The following NPAS3 variants were observed in gnomAD, a reference collection of about 807,000 sequenced individuals.
The protein encoded by NPAS3 is neuronal PAS domain protein 3, also known as neuronal PAS domain-containing protein 3.
NPAS3 carries 14 observed loss-of-function variants against 73.1 expected under a neutral mutation model. The observed-to-expected ratio is 0.19, with a 90% CI of 0.13 to 0.30. The LOEUF (loss-of-function observed/expected upper bound fraction) is 0.30, where lower values mean the gene tolerates loss of function less well. Ranked by LOEUF, NPAS3 falls within the 10% of genes least tolerant of loss-of-function variation. The pLI is 1.00. For missense variants in NPAS3, 1,096 were observed against 1,250.0 expected (o/e 0.88, Z 1.86); for synonymous variants, 620 against 541.5 (o/e 1.14, Z -2.01).
At chr14:33,302,004 G>A (rs1432387843) in intron 3 of NPAS3, among the ~76,000 whole-genome samples, 1 of 152,096 alleles carries the variant, frequency 6.6e-6, no homozygotes, top group African/African-American at 2.4e-5. Context: ...TCCGTGCGTG[G>A]CTTGCCTTCC....
chr14:32,997,784 T>C (rs1281781770), intron 1 of NPAS3, among the ~76,000 whole-genome samples: 2 of 148,400 alleles, frequency 1.3e-5, no homozygotes, highest in African/African-American at 2.5e-5. Flanking sequence ...AAAAAAGATG[T>C]GACTTGCTCC....
At chr14:33,786,921 G>A (rs2063191525) in intron 9 of NPAS3, among the ~76,000 whole-genome samples, 1 of 151,026 alleles carries the variant, frequency 6.6e-6, no homozygotes, top group South Asian at 2.1e-4. Flanking sequence ...CCAGTGACTA[G>A]CACAGAGTAG....
intron 4 of NPAS3, among the ~76,000 whole-genome samples, chr14:33,392,901 G>A (rs1172337802): frequency 6.6e-6 from 1 of 152,060 alleles, no homozygotes; most frequent in Non-Finnish European, 1.5e-5. Flanking sequence ...CAGCAGAGGT[G>A]ATCCTCTCAT....
intron 3 of NPAS3, among the ~76,000 whole-genome samples, chr14:33,243,109 T>C (rs2048264446): frequency 6.6e-6 from 1 of 152,176 alleles, no homozygotes; most frequent in Admixed American, 6.6e-5. Context: ...TAAGTTTTAA[T>C]TGTTTTCTGT....
intron 7 of NPAS3, among the ~76,000 whole-genome samples, chr14:33,771,155 T>A (rs1407169676): frequency 1.3e-5 from 2 of 152,230 alleles, no homozygotes; most frequent in African/African-American, 4.8e-5. Context: ...GGATACATGC[T>A]GTCAGACTTG....
rs985361905 is a variant in NPAS3, at chr14:33,592,931, A to G, written c.558+32721A>G. On this transcript the variant is annotated intron_variant, in intron 5 of 11. Coordinates refer to ENST00000356141, the Ensembl canonical transcript of NPAS3. ...TTCAGTAACTCACTCAGTGCTGTGA[A>G]AATTTTGCAAACTTACCTAGGGAAA... Among the ~76,000 whole-genome samples the G allele has an allele frequency of 2.6e-5, 4 of 152,064 alleles. No homozygotes were observed. In the East Asian group the frequency reaches 5.8e-4, roughly 22 times the overall value.
intron 7 of NPAS3, among the ~76,000 whole-genome samples, chr14:33,756,635 T>C (rs1319799752): frequency 9.9e-5 from 15 of 152,246 alleles, no homozygotes; most frequent in Non-Finnish European, 2.2e-4. Context: ...ATATGTGCTC[T>C]ACCTACCTTA....
At chr14:33,770,372 G>T (rs913033016) in intron 7 of NPAS3, among the ~76,000 whole-genome samples, 1 of 152,168 alleles carries the variant, frequency 6.6e-6, no homozygotes, top group African/African-American at 2.4e-5. Flanking sequence ...AGCTTCGCAA[G>T]TGACTCTGTC....
chr14:33,540,092 G>A (rs1002177607), intron 4 of NPAS3, among the ~76,000 whole-genome samples: 4 of 152,086 alleles, frequency 2.6e-5, no homozygotes, highest in African/African-American at 7.2e-5. Context: ...AGCTGTGTCC[G>A]CATCCTTTGT....
intron 5 of NPAS3, among the ~76,000 whole-genome samples, chr14:33,660,127 A>C (rs1195381090): frequency 6.6e-6 from 1 of 152,146 alleles, no homozygotes; most frequent in African/African-American, 2.4e-5. Context: ...AAAAAGGCAG[A>C]AATGAATACC....
intron 1 of NPAS3, among the ~76,000 whole-genome samples, chr14:32,999,185 G>A (rs1354767434): frequency 1.3e-5 from 2 of 152,112 alleles, no homozygotes; most frequent in African/African-American, 4.8e-5. Context: ...TACAGTAGGA[G>A]TACTGTGAGG....
At position 33,574,390 on chromosome 14, in the gene NPAS3, A is replaced by G. The variant is rs78283442; in HGVS notation, c.558+14180A>G. ...GATGTGGTCAAGTGTCCGAAAGCTA[A>G]AATATTATAAGGCAAGATAAAAAGC... On this transcript the variant is annotated intron_variant, in intron 5 of 11. Coordinates refer to ENST00000356141, the Ensembl canonical transcript of NPAS3. Among the ~76,000 whole-genome samples, 2,166 of 152,232 alleles carry G rather than the reference A, an allele frequency of 0.014. 138 individuals carry two copies. The East Asian group carries it at 0.21, about 15-fold the overall frequency.
intron 4 of NPAS3, among the ~76,000 whole-genome samples, chr14:33,498,499 G>A (rs569060247): frequency 5.9e-5 from 9 of 152,172 alleles, no homozygotes; most frequent in South Asian, 2.1e-4. Context: ...ACACCGTGGA[G>A]TACTATGCAG....
Position 32,991,714 on chromosome 14 carries a change from T to C in NPAS3, c.50+52348T>C, listed in dbSNP as rs983223472. ...GGATTATAAATGCTATCCCATACTT[T>C]CAACATTTGAAAATATCATTCAGGG... is the stretch of plus-strand genomic sequence containing the variant. On this transcript the variant is annotated intron_variant, in intron 1 of 11. Transcript: ENST00000356141. Among the ~76,000 whole-genome samples, 5 of 152,326 alleles carry C rather than the reference T, an allele frequency of 3.3e-5. No homozygotes were observed. The East Asian group carries it at 9.7e-4, about 29-fold the overall frequency.
intron 4 of NPAS3, among the ~76,000 whole-genome samples, chr14:33,498,935 A>AGTGTGTGTGTGTGTGTGT (rs3058422): frequency 1.3e-4 from 12 of 94,902 alleles, no homozygotes; most frequent in Admixed American, 5.2e-4. Flanking sequence ...ACAGAGAGAG[A>AGTGTGTGTGTGTGTGTGT]GTGTGTGTGT....
chr14:33,605,082 A>T (rs1271629289), intron 5 of NPAS3, among the ~76,000 whole-genome samples: 2 of 152,030 alleles, frequency 1.3e-5, no homozygotes, highest in African/African-American at 4.8e-5. Flanking sequence ...ATTAAGATTA[A>T]AGTAGAAATC....
intron 5 of NPAS3, among the ~76,000 whole-genome samples, chr14:33,668,286 C>A (rs972792995): frequency 6.6e-6 from 1 of 152,044 alleles, no homozygotes; most frequent in Non-Finnish European, 1.5e-5. Context: ...ATACAGTAGC[C>A]CCTTTGAAAA....
intron 1 of NPAS3, among the ~76,000 whole-genome samples, chr14:32,958,856 C>T (rs1177832087): frequency 6.6e-6 from 1 of 152,192 alleles, no homozygotes; most frequent in East Asian, 1.9e-4. Context: ...AGCCCCAGAA[C>T]AGGCTCATAA....
intron 3 of NPAS3, among the ~76,000 whole-genome samples, chr14:33,346,548 A>AT (rs2044743454): frequency 6.6e-6 from 1 of 151,756 alleles, no homozygotes; most frequent in Non-Finnish European, 1.5e-5. Context: ...AAAAAAAAAA[A>AT]AGGAAATGTT....
Sources: gnomAD v4.1 joint callset for allele counts (sites outside exome capture counted in the v4.1 genomes callset) on GRCh38, gnomAD v4.1.1 for gene constraint, MANE v1.5 for transcripts, NCBI Gene and HGNC (gene_info 2026-07-23, HGNC 2026-07-21) for gene names.